The following EFHD1 variants were observed in gnomAD, a reference collection of about 807,000 sequenced individuals.
EFHD1 encodes EF-hand domain family member D1.
A neutral mutation model predicts 17.2 loss-of-function variants in EFHD1; 10 were observed. The observed-to-expected ratio is 0.58, with a 90% CI of 0.36 to 0.99. The LOEUF is 0.99. EFHD1 is among the 50% of genes least tolerant of loss of function. The pLI, the probability that EFHD1 is intolerant of heterozygous loss-of-function variation, is 0.01. For missense variants in EFHD1, 310 were observed against 327.5 expected (o/e 0.95, Z 0.41); for synonymous variants, 153 against 142.0 (o/e 1.08, Z -0.55).
At chr2:232,676,049 G>A (rs934911633) in intron 3 of EFHD1, among the ~76,000 whole-genome samples, 4 of 152,024 alleles carry the variant, frequency 2.6e-5, no homozygotes, top group East Asian at 1.9e-4. Context: ...GGTGGCATGC[G>A]CCTGTAATCC....
chr2:232,617,497 CAAA>C (rs1559337208), intron 1 of EFHD1, among the ~76,000 whole-genome samples: 1 of 148,610 alleles, frequency 6.7e-6, no homozygotes, highest in Non-Finnish European at 1.5e-5. Context: ...AAAAAAAATA[CAAA>C]AAAATTAGCC....
rs1236125294 is a variant in EFHD1, at chr2:232,633,633, GA to G, written c.-71del. The G allele has an allele frequency of 7.4e-7, 1 of 1,356,692 alleles. No individual in the cohort carries two copies. The highest frequency in any genetic ancestry group is 4.1e-5 in the Admixed American group (1 of 24,482). 84.0% of individuals were successfully genotyped at this position (1,356,692 alleles called of 1,614,324 possible). A position where few individuals can be genotyped will look rare whatever the true frequency, so the allele number is the denominator to read the frequency against. ...TGTTGTAGAGCCTCGAGCCTGCGAG[GA>G]GCGCGCCGCCCGCCAGCTCCCTGCG... On this transcript the variant is annotated 5_prime_UTR_variant, in exon 1 of 4. Coordinates refer to ENST00000264059, the MANE Select transcript of EFHD1 (RefSeq NM_025202.4).
intron 3 of EFHD1, among the ~76,000 whole-genome samples, chr2:232,677,948 AG>A (rs1417892677): frequency 6.6e-6 from 1 of 152,214 alleles, no homozygotes; most frequent in Non-Finnish European, 1.5e-5. Flanking sequence ...TATATCAATT[AG>A]AAAAAAGAAT....
At chr2:232,607,139 A>G (rs1045298769) in intron 1 of EFHD1, among the ~76,000 whole-genome samples, 3 of 151,906 alleles carry the variant, frequency 2.0e-5, no homozygotes, top group African/African-American at 7.2e-5. Flanking sequence ...CTACAGGTCC[A>G]GGCCACCACG....
At chr2:232,648,117 C>T (rs928940714) in intron 1 of EFHD1, among the ~76,000 whole-genome samples, 2 of 152,078 alleles carry the variant, frequency 1.3e-5, no homozygotes, top group Non-Finnish European at 2.9e-5. Context: ...AGGTACGTAC[C>T]TGTGGTCCCA....
At chr2:232,675,067 T>C (rs1481069944) in intron 3 of EFHD1, among the ~76,000 whole-genome samples, 1 of 151,458 alleles carries the variant, frequency 6.6e-6, no homozygotes, top group Non-Finnish European at 1.5e-5. Flanking sequence ...TCCCAGCTAC[T>C]TGGAAAGCTG....
intron 1 of EFHD1, among the ~76,000 whole-genome samples, chr2:232,653,837 T>C (rs1213174166): frequency 6.6e-6 from 1 of 152,224 alleles, no homozygotes; most frequent in African/African-American, 2.4e-5. Flanking sequence ...CTATGGGACT[T>C]GCCCACTGGG....
At chr2:232,654,416 CTTTTTTTTTTTTT>C (rs539954632) in intron 1 of EFHD1, among the ~76,000 whole-genome samples, 2 of 94,596 alleles carry the variant, frequency 2.1e-5, no homozygotes, top group African/African-American at 4.1e-5. Flanking sequence ...TTCTTTCTTT[CTTTTTTTTTTTTT>C]TTTTTTTTTG....
intron 1 of EFHD1, among the ~76,000 whole-genome samples, chr2:232,625,827 C>T (rs62191634): frequency 0.027 from 4,057 of 152,224 alleles, 68 homozygotes; most frequent in Middle Eastern, 0.058. Context: ...TGGCATCAAA[C>T]TATACCAGGA....
chr2:232,668,808 A>AT (rs1695013914), intron 2 of EFHD1, among the ~76,000 whole-genome samples: 1 of 151,730 alleles, frequency 6.6e-6, no homozygotes, highest in African/African-American at 2.4e-5. Context: ...TAATTTTGGT[A>AT]TTTTTAGTAG....
chr2:232,681,670 G>A lies in EFHD1; in HGVS notation c.671G>A (p.Arg224Gln), dbSNP rs772755424. 17 of 1,614,112 alleles carry A rather than the reference G, an allele frequency of 1.1e-5. No individual in the cohort carries two copies. Among genetic ancestry groups the A allele is most frequent in the Middle Eastern group, 1.6e-4 (1 of 6,084 alleles). Residue 224 changes from arginine (R) to glutamine (Q), a missense_variant, in exon 4 of 4, where the codon CGG becomes CAG. Transcript: ENST00000264059. ...DERKREEEER[R>Q]LRQAAFQKLK... is the part of the protein sequence containing the mutation. ...CGGAAGCGGGAGGAGGAGGAGAGGC[G>A]GCTCCGCCAGGCAGCCTTCCAGAAA...
Position 232,627,054 on chromosome 2 carries a change from ATATATATATAT to A in EFHD1, c.14+20883_14+20893del, listed in dbSNP as rs199654255. On this transcript the variant is annotated intron_variant, in intron 1 of 3. Transcript: ENST00000409613. ...TCTCTCTCTATATATATATATATAT[ATATATATATAT>A]TTTTTTTTTTTTTTAATTAGCCAGT... 1.7e-4 allele frequency among the ~76,000 whole-genome samples: 19 copies of A among 111,634 alleles called. No individual in the cohort carries two copies. In the East Asian group the frequency reaches 4.7e-3, roughly 27 times the overall value. 73.2% of individuals were successfully genotyped at this position (111,634 alleles called of 152,430 possible).
chr2:232,676,942 G>T (rs1695184061), intron 3 of EFHD1, among the ~76,000 whole-genome samples: 1 of 152,088 alleles, frequency 6.6e-6, no homozygotes, highest in South Asian at 2.1e-4. Context: ...CAAGGTTGCA[G>T]TGAGCTATGA....
intron 1 of EFHD1, among the ~76,000 whole-genome samples, chr2:232,638,962 T>C (rs551703240): frequency 6.6e-6 from 1 of 152,288 alleles, no homozygotes; most frequent in Admixed American, 6.5e-5. Flanking sequence ...TGGGTCTTAG[T>C]TTCTGGCAGA....
chr2:232,668,874 TC>T (rs1011751159), intron 2 of EFHD1, among the ~76,000 whole-genome samples: 1 of 151,606 alleles, frequency 6.6e-6, no homozygotes, highest in Non-Finnish European at 1.5e-5. Flanking sequence ...CCTCAGGTGA[TC>T]CGCTCGACTC....
intron 3 of EFHD1, among the ~76,000 whole-genome samples, chr2:232,679,718 A>T (rs1244063283): frequency 1.3e-5 from 1 of 77,860 alleles, no homozygotes; most frequent in Non-Finnish European, 3.0e-5. Flanking sequence ...AGACGTTTCT[A>T]AAAAAAAAAA....
At chr2:232,611,067 A>T (rs922645295) in intron 1 of EFHD1, among the ~76,000 whole-genome samples, 3 of 152,100 alleles carry the variant, frequency 2.0e-5, no homozygotes, top group Non-Finnish European at 4.4e-5. Flanking sequence ...CGTCCTAGAT[A>T]CTCAGGAGGC....
At chr2:232,651,141 T>C (rs1249107367) in intron 1 of EFHD1, among the ~76,000 whole-genome samples, 1 of 151,826 alleles carries the variant, frequency 6.6e-6, no homozygotes, top group Non-Finnish European at 1.5e-5. Flanking sequence ...CTCTGTGGGG[T>C]CTCACTGGGG....
At chr2:232,606,261 T>A (rs1260062102) in intron 1 of EFHD1, 4 of 1,461,452 alleles carry the variant, frequency 2.7e-6, no homozygotes, top group Middle Eastern at 1.7e-4. Context: ...CCAGAATAGG[T>A]GCGCGGTAAT....
Sources: allele counts gnomAD v4.1 joint callset (sites outside exome capture counted in the v4.1 genomes callset), GRCh38; gene constraint gnomAD v4.1.1; transcripts MANE v1.5; gene names NCBI Gene and HGNC (gene_info 2026-07-23, HGNC 2026-07-21).